The following COL4A1 variants were observed in gnomAD, a reference collection of about 807,000 sequenced individuals.
COL4A1 encodes the protein collagen alpha-1(IV) chain.
A neutral mutation model predicts 216.6 loss-of-function variants in COL4A1; 40 were observed. The ratio of observed to expected loss-of-function variants is 0.18; its 90% CI spans 0.14 to 0.24. The LOEUF (loss-of-function observed/expected upper bound fraction) is 0.24. Ranked by LOEUF, COL4A1 falls within the 10% of genes least tolerant of loss-of-function variation. COL4A1 has a pLI of 1.00. For synonymous variants in COL4A1, 839 were observed against 810.7 expected (o/e 1.03, Z -0.59); for missense variants, 1,628 against 2,196.8 (o/e 0.74, Z 5.18).
At chr13:110,172,528 T>C (rs1399320757) in intron 41 of COL4A1, among the ~76,000 whole-genome samples, 192 bp downstream of exon 41, 1 of 152,202 alleles carries the variant, frequency 6.6e-6, no homozygotes, top group Non-Finnish European at 1.5e-5. Context: ...CTGCACGCCA[T>C]TTTGATCCAT....
intron 2 of COL4A1, among the ~76,000 whole-genome samples, chr13:110,225,874 T>C (rs974433000): frequency 1.3e-5 from 2 of 152,242 alleles, no homozygotes; most frequent in African/African-American, 4.8e-5. Flanking sequence ...TTTGCCATCA[T>C]CTGTAAGTCA....
At chr13:110,201,694 T>C (rs777230509) in intron 18 of COL4A1, 172 bp from the exon 19 acceptor site, 3 of 769,844 alleles carry the variant, frequency 3.9e-6, no homozygotes, top group Non-Finnish European at 4.7e-6. Context: ...CTCTAAAACA[T>C]ATGGGACAGG....
intron 21 of COL4A1, among the ~76,000 whole-genome samples, chr13:110,195,783 T>C (rs995050882): frequency 1.3e-5 from 2 of 152,230 alleles, no homozygotes; most frequent in African/African-American, 2.4e-5. Context: ...CCCAAGATCC[T>C]TGAAGAAAAA....
chr13:110,205,221 T>C, intron 17 of COL4A1, 132 bp downstream of exon 17: 2 of 1,076,280 alleles, frequency 1.9e-6, no homozygotes, highest in Non-Finnish European at 2.8e-6. Context: ...CTAAATTGTG[T>C]TTTTACCCAG....
At chr13:110,217,341 T>C (rs1880136175) in intron 2 of COL4A1, among the ~76,000 whole-genome samples, 1 of 152,174 alleles carries the variant, frequency 6.6e-6, no homozygotes, top group Admixed American at 6.5e-5. Context: ...AAGCCAGACT[T>C]TGCAGCTGCA....
At chr13:110,166,344 A>C in intron 44 of COL4A1, 41 bp from the exon 45 acceptor site, 3 of 1,215,646 alleles carry the variant, frequency 2.5e-6, no homozygotes, top group Non-Finnish European at 3.7e-6. Flanking sequence ...CAGAATTCCC[A>C]ATGATATACA....
intron 1 of COL4A1, among the ~76,000 whole-genome samples, chr13:110,271,677 AATGCAAT>A (rs1883248820): frequency 6.6e-6 from 1 of 152,198 alleles, no homozygotes; most frequent in Non-Finnish European, 1.5e-5. Flanking sequence ...GTGACAGCTA[AATGCAAT>A]ATGGAATCCT....
At chr13:110,156,454 T>C (rs1876792119) in intron 49 of COL4A1, among the ~76,000 whole-genome samples, 1 of 152,208 alleles carries the variant, frequency 6.6e-6, no homozygotes. Flanking sequence ...ACTTGTCTTT[T>C]TGGTCTGCCC....
At chr13:110,233,996 G>A (rs1388666156) in intron 2 of COL4A1, among the ~76,000 whole-genome samples, 1 of 152,220 alleles carries the variant, frequency 6.6e-6, no homozygotes, top group Non-Finnish European at 1.5e-5. Context: ...TCTGTCTAGA[G>A]CTGAGCTAAC....
intron 2 of COL4A1, among the ~76,000 whole-genome samples, chr13:110,231,008 A>G (rs1435433591): frequency 2.6e-5 from 4 of 152,220 alleles, no homozygotes; most frequent in African/African-American, 4.8e-5. Flanking sequence ...CAGCCCCGTC[A>G]GGATGATTAA....
At chr13:110,166,805 G>A (rs1001384474) in intron 44 of COL4A1, among the ~76,000 whole-genome samples, 1 of 152,170 alleles carries the variant, frequency 6.6e-6, no homozygotes, top group Non-Finnish European at 1.5e-5. Flanking sequence ...CACCTTTCAC[G>A]TGTATCTGAC....
At chr13:110,259,228 C>T (rs1882705516) in intron 1 of COL4A1, among the ~76,000 whole-genome samples, 1 of 152,174 alleles carries the variant, frequency 6.6e-6, no homozygotes, top group Admixed American at 6.5e-5. Flanking sequence ...CCTCCTCTTC[C>T]GTCTAGCCTT....
chr13:110,247,716 A>C (rs1881882169), intron 1 of COL4A1, among the ~76,000 whole-genome samples: 1 of 151,678 alleles, frequency 6.6e-6, no homozygotes, highest in Admixed American at 6.6e-5. Context: ...GGATGCAAAA[A>C]GAGGAAAGCT....
At chr13:110,257,971 C>T (rs1033944604) in intron 1 of COL4A1, among the ~76,000 whole-genome samples, 3 of 152,108 alleles carry the variant, frequency 2.0e-5, no homozygotes, top group Admixed American at 1.3e-4. Flanking sequence ...GTCCCTGGTC[C>T]TTCCATTTGA....
intron 1 of COL4A1, among the ~76,000 whole-genome samples, chr13:110,248,867 C>T (rs1247358694): frequency 1.3e-5 from 2 of 152,188 alleles, no homozygotes; most frequent in African/African-American, 4.8e-5. Context: ...GATAACCACA[C>T]ACAGATGCAG....
Position 110,151,191 on chromosome 13 carries a change from T to A in COL4A1, c.4929-747A>T, listed in dbSNP as rs1941575078. On this transcript the variant is annotated intron_variant, in intron 51 of 51. Transcript: ENST00000375820. ...CTCATCCTAAAATTGAGGCTGCTTA[T>A]TTTATTAACTTTTGGTGCAAATTCT... Among the ~76,000 whole-genome samples, 22 of 152,316 alleles carry A rather than the reference T, an allele frequency of 1.4e-4. No individual in the cohort carries two copies. In the South Asian group the frequency reaches 4.6e-3, roughly 32 times the overall value.
Position 110,183,192 on chromosome 13 carries a change from C to G in COL4A1, c.1982G>C (p.Gly661Ala). The G allele has an allele frequency of 6.2e-7, 1 of 1,613,810 alleles. No individual in the cohort carries two copies. Among genetic ancestry groups the G allele is most frequent in the Non-Finnish European group, 8.5e-7 (1 of 1,179,986 alleles). ...EGLPGSPGFPGPQGDRGFPGT... is the reference protein window; with the variant it reads ...EGLPGSPGFPAPQGDRGFPGT... ...TGGAATTCCAATCGTACCTTGGGGA[C>G]CTGGGAAGCCTGGGGACCCCGGCAG... The change falls in exon 27 of 52, where the codon GGT (glycine) becomes GCT (alanine). Residue 661 changes from glycine (G) to alanine (A), a missense_variant. Physicochemically the swap from Gly to Ala is moderately conservative, Grantham distance 60. Coordinates refer to ENST00000375820, the MANE Select transcript of COL4A1 (RefSeq NM_001845.6).
chr13:110,225,256 G>A lies in COL4A1; in HGVS notation c.145-11241C>T, dbSNP rs751273093. ...TCTCGTTCCCTCCCCCCAGCACTTC[G>A]AACAGATGGCACAGGGTAGGTACTC... On this transcript the variant is annotated intron_variant, in intron 2 of 51. Coordinates refer to ENST00000375820, the MANE Select transcript of COL4A1 (RefSeq NM_001845.6). Among the ~76,000 whole-genome samples the A allele has an allele frequency of 3.9e-5, 6 of 152,256 alleles. No individual in the cohort carries two copies. The East Asian group carries it at 7.7e-4, about 20-fold the overall frequency.
In COL4A1 at chr13:110,166,295, C is replaced by T; in HGVS notation, c.3958G>A (p.Gly1320Ser). ...PGVPGFQGPK[G>S]LPGLQGIKGD... is the part of the protein sequence containing the mutation. ...TTAATTCCCTGGAGGCCAGGAAGAC[C>T]TTTTGGACCTAAAAGCAGAGGGAAA... The change falls in exon 45 of 52, where the codon GGT becomes AGT. Residue 1320 changes from glycine to serine, a missense_variant. Coordinates refer to ENST00000375820, the MANE Select transcript of COL4A1 (RefSeq NM_001845.6). 6.2e-7 allele frequency: 1 copy of T among 1,608,906 alleles called. No homozygotes were observed. The highest frequency in any genetic ancestry group is 8.5e-7 in the Non-Finnish European group (1 of 1,175,284).
Sources: allele counts gnomAD v4.1 joint callset (sites outside exome capture counted in the v4.1 genomes callset), GRCh38; gene constraint gnomAD v4.1.1; transcripts MANE v1.5; gene names NCBI Gene and HGNC (gene_info 2026-07-23, HGNC 2026-07-21).